ZSWIM5: variants seen among roughly 807,000 people sequenced by gnomAD.
ZSWIM5 encodes the protein zinc finger SWIM domain-containing protein 5.
A neutral mutation model predicts 119.6 loss-of-function variants in ZSWIM5; 55 were observed. The ratio of observed to expected loss-of-function variants is 0.46; its 90% CI spans 0.37 to 0.58. The LOEUF is 0.58. ZSWIM5 is among the 20% of genes least tolerant of loss of function. The pLI is 0.00. For synonymous variants in ZSWIM5, 537 were observed against 606.9 expected (o/e 0.88, Z 1.69); for missense variants, 1,193 against 1,512.8 (o/e 0.79, Z 3.51).
rs527441943 is a variant in ZSWIM5, at chr1:45,166,628, G to A, written c.595+39128C>T. Among the ~76,000 whole-genome samples the A allele has an allele frequency of 1.8e-3, 271 of 152,196 alleles. 4 individuals are homozygous for A. The highest frequency in any genetic ancestry group is 6.8e-3 in the Middle Eastern group (2 of 294). On this transcript the variant is annotated intron_variant, in intron 1 of 13. Coordinates refer to ENST00000359600, the MANE Select transcript of ZSWIM5 (RefSeq NM_020883.2). ...GATACGCAACTTCAGCAAAGTGTCA[G>A]GAAACAAAAGCAATGTGCAAAAATC...
intron 1 of ZSWIM5, among the ~76,000 whole-genome samples, chr1:45,161,218 C>T (rs1259365911): frequency 6.6e-6 from 1 of 152,042 alleles, no homozygotes; most frequent in Non-Finnish European, 1.5e-5. Flanking sequence ...TGATAAACAT[C>T]CAAGTGCAGG....
intron 5 of ZSWIM5, among the ~76,000 whole-genome samples, chr1:45,049,277 A>C (rs535949181): frequency 6.6e-6 from 1 of 152,180 alleles, no homozygotes; most frequent in African/African-American, 2.4e-5. Flanking sequence ...CAGACAGTAT[A>C]GTTTGATGGC....
chr1:45,156,556 G>C (rs896202200), intron 1 of ZSWIM5, among the ~76,000 whole-genome samples: 11 of 151,974 alleles, frequency 7.2e-5, no homozygotes, highest in Non-Finnish European at 1.3e-4. Flanking sequence ...CAAGACAGGG[G>C]ACTCTGGAGG....
chr1:45,025,889 A>G (rs1644917714), intron 11 of ZSWIM5, among the ~76,000 whole-genome samples: 1 of 152,176 alleles, frequency 6.6e-6, no homozygotes. Flanking sequence ...GCATCTGTGT[A>G]TCATTTATTT....
At chr1:45,190,414 G>T (rs937074632) in intron 1 of ZSWIM5, among the ~76,000 whole-genome samples, 1 of 152,072 alleles carries the variant, frequency 6.6e-6, no homozygotes, top group Non-Finnish European at 1.5e-5. Flanking sequence ...TTAGAGGAGC[G>T]GGACAAGATC....
At chr1:45,151,614 C>T (rs1178867171) in intron 1 of ZSWIM5, among the ~76,000 whole-genome samples, 2 of 151,884 alleles carry the variant, frequency 1.3e-5, no homozygotes, top group Non-Finnish European at 2.9e-5. Flanking sequence ...ACAGGGATAC[C>T]TAACCTAGTG....
chr1:45,136,876 A>G (rs1645693637), intron 1 of ZSWIM5, among the ~76,000 whole-genome samples: 1 of 152,088 alleles, frequency 6.6e-6, no homozygotes, highest in Non-Finnish European at 1.5e-5. Flanking sequence ...TCTCCTCCTT[A>G]GCAGCTCTCC....
chr1:45,170,805 C>G (rs1388800260), intron 1 of ZSWIM5, among the ~76,000 whole-genome samples: 1 of 143,552 alleles, frequency 7.0e-6, no homozygotes, highest in East Asian at 2.1e-4. Flanking sequence ...AGGCTAGTCT[C>G]AAACTCTTGG....
chr1:45,060,224 C>T lies in ZSWIM5; in HGVS notation c.976G>A (p.Ala326Thr). 6.2e-7 allele frequency: 1 copy of T among 1,613,950 alleles called. No homozygotes were observed. Among genetic ancestry groups the T allele is most frequent in the Non-Finnish European group, 8.5e-7 (1 of 1,179,996 alleles). The change falls in exon 3 of 14, where the codon GCC becomes ACC. Residue 326 changes from alanine (A) to threonine (T), a missense_variant. Coordinates refer to ENST00000359600, the MANE Select transcript of ZSWIM5 (RefSeq NM_020883.2). ...VNGAPDPTAG[A>T]SIDDENCWHL... is the part of the protein sequence containing the mutation. ...CAACAGTTCTCATCGTCAATGCTGGCCCCAGCTGTGGGGTCAGGGGCACCT... is the reference window on the plus strand; with the variant it reads ...CAACAGTTCTCATCGTCAATGCTGGTCCCAGCTGTGGGGTCAGGGGCACCT...
chr1:45,065,867 T>G (rs1369271333), intron 2 of ZSWIM5, among the ~76,000 whole-genome samples: 1 of 151,966 alleles, frequency 6.6e-6, no homozygotes, highest in Non-Finnish European at 1.5e-5. Flanking sequence ...AATTCTAATT[T>G]TATTATTATT....
chr1:45,134,890 A>G (rs1645679870), intron 1 of ZSWIM5, among the ~76,000 whole-genome samples: 1 of 152,202 alleles, frequency 6.6e-6, no homozygotes, highest in Non-Finnish European at 1.5e-5. Context: ...AGGCTCATCC[A>G]TGTTGTAGCA....
chr1:45,019,318 T>C lies in ZSWIM5; in HGVS notation c.2696-2A>G, dbSNP rs1248159345. The C allele has an allele frequency of 6.2e-7, 1 of 1,605,926 alleles. No homozygotes were observed. Among genetic ancestry groups the C allele is most frequent in the Non-Finnish European group, 8.5e-7 (1 of 1,177,408 alleles). ...AGATGCTCACCAGGGCCCGCACACCTGTCAGGGGGAGCCTGAGCTCAGCCG... is the reference window on the plus strand; with the variant it reads ...AGATGCTCACCAGGGCCCGCACACCCGTCAGGGGGAGCCTGAGCTCAGCCG... On this transcript the variant is annotated splice_acceptor_variant, in intron 13 of 13. Transcript: ENST00000359600. LOFTEE classifies it high-confidence loss of function. This position sits in a 1 kb window ranked among gnomAD's most constrained non-coding sequence, Gnocchi z 5.0.
chr1:45,199,751 A>G (rs1244089376), intron 1 of ZSWIM5, among the ~76,000 whole-genome samples: 1 of 152,238 alleles, frequency 6.6e-6, no homozygotes, highest in Non-Finnish European at 1.5e-5. Flanking sequence ...TTCACTGTTT[A>G]TAACTTCCTC....
At chr1:45,102,885 C>T (rs1284126778) in intron 1 of ZSWIM5, among the ~76,000 whole-genome samples, 2 of 151,906 alleles carry the variant, frequency 1.3e-5, no homozygotes, top group Admixed American at 6.6e-5. Context: ...GGTGGGGGTA[C>T]AGGGTCTTGC....
At chr1:45,084,058 C>T (rs1441557395) in intron 2 of ZSWIM5, among the ~76,000 whole-genome samples, 4 of 152,150 alleles carry the variant, frequency 2.6e-5, no homozygotes, top group African/African-American at 9.7e-5. Context: ...TACAGGGATG[C>T]ACCACAATGC....
In ZSWIM5 at chr1:45,206,191, G is replaced by C. The variant is rs1467229553; in HGVS notation, c.160C>G (p.Leu54Val). ...AGGVGSSCLV[L>V]GARPHLQPDS... is the part of the protein sequence containing the mutation. Reference sequence around the variant, plus strand: ...GGCTGCAGGTGGGGGCGGGCCCCGAGGACCAGGCAGCTGCTGCCGACGCCC... The same window carrying C: ...GGCTGCAGGTGGGGGCGGGCCCCGACGACCAGGCAGCTGCTGCCGACGCCC... Residue 54 changes from leucine (L) to valine (V), a missense_variant, in exon 1 of 14, where the codon CTC (leucine) becomes GTC (valine). Leu to Val is a conservative substitution (Grantham distance 32). This residue lies in a region of ZSWIM5 where 232 missense variants were observed against 222.9 expected (regional missense o/e 1.04). Coordinates refer to ENST00000359600, the MANE Select transcript of ZSWIM5 (RefSeq NM_020883.2). 6.2e-7 allele frequency: 1 copy of C among 1,602,864 alleles called. No individual in the cohort carries two copies. The highest frequency in any genetic ancestry group is 8.5e-7 in the Non-Finnish European group (1 of 1,175,948).
intron 1 of ZSWIM5, among the ~76,000 whole-genome samples, chr1:45,101,297 AT>A (rs1645438539): frequency 6.6e-6 from 1 of 152,244 alleles, no homozygotes; most frequent in South Asian, 2.1e-4. Flanking sequence ...AAAAATGCTC[AT>A]CATCACTGGT....
chr1:45,181,652 A>C (rs1375274860), intron 1 of ZSWIM5, among the ~76,000 whole-genome samples: 2 of 152,166 alleles, frequency 1.3e-5, no homozygotes, highest in Admixed American at 1.3e-4. Flanking sequence ...AGTTGAAATG[A>C]AGGAAAAAAT....
At chr1:45,077,627 T>C (rs1395847019) in intron 2 of ZSWIM5, among the ~76,000 whole-genome samples, 3 of 152,198 alleles carry the variant, frequency 2.0e-5, no homozygotes, top group Non-Finnish European at 4.4e-5. Context: ...GGTTTTGAGA[T>C]CAACTGGTCT....
Sources: allele counts gnomAD v4.1 joint callset (sites outside exome capture counted in the v4.1 genomes callset), GRCh38; gene constraint gnomAD v4.1.1; regional missense constraint gnomAD v4.1.1; non-coding constraint Gnocchi (gnomAD v3.1); transcripts MANE v1.5; gene names NCBI Gene and HGNC (gene_info 2026-07-23, HGNC 2026-07-21).